CDH3: variants seen among roughly 807,000 people sequenced by gnomAD.
The protein encoded by CDH3 is cadherin-3.
Under a neutral mutation model 82.0 loss-of-function variants are expected in CDH3, and 54 were observed. The observed-to-expected ratio is 0.66, with a 90% CI of 0.53 to 0.83. The LOEUF (loss-of-function observed/expected upper bound fraction) is 0.83, where lower values mean the gene tolerates loss of function less well. Among genes scored for constraint, CDH3 ranks in the 40% least tolerant of loss-of-function variants. CDH3 has a pLI of 0.00. For missense variants in CDH3, 1,054 were observed against 1,084.6 expected (o/e 0.97, Z 0.40); for synonymous variants, 446 against 437.9 (o/e 1.02, Z -0.23).
intron 2 of CDH3, among the ~76,000 whole-genome samples, chr16:68,672,219 A>AAAAT (rs1567444947): frequency 1.3e-5 from 2 of 150,180 alleles, no homozygotes; most frequent in East Asian, 3.9e-4. Context: ...TAAATAAAAA[A>AAAAT]TAAAAAAAAA....
chr16:68,654,501 G>C (rs1181327001), intron 2 of CDH3, among the ~76,000 whole-genome samples: 1 of 108,060 alleles, frequency 9.3e-6, no homozygotes, highest in South Asian at 3.6e-4. Context: ...TCAAGAGTTC[G>C]AGACCAGCCT....
chr16:68,719,259 A>C (rs1473336739), intron 1 of CDH3, among the ~76,000 whole-genome samples: 1 of 151,584 alleles, frequency 6.6e-6, no homozygotes, highest in Non-Finnish European at 1.5e-5. Context: ...AAAAAGAAAA[A>C]AAAAAAAGAT....
At chr16:68,654,989 T>C (rs1456548958) in intron 2 of CDH3, among the ~76,000 whole-genome samples, 1 of 152,038 alleles carries the variant, frequency 6.6e-6, no homozygotes, top group Non-Finnish European at 1.5e-5. Flanking sequence ...TGAGCCGAGA[T>C]TGCACCACTG....
chr16:68,728,319 C>A (rs1010923478), downstream of CDH3, among the ~76,000 whole-genome samples: 5 of 152,126 alleles, frequency 3.3e-5, no homozygotes, highest in Non-Finnish European at 7.3e-5. Context: ...GCGCCCGCCA[C>A]CACGCCCAGC....
intron 11 of CDH3, chr16:68,686,321 A>C: frequency 1.2e-6 from 1 of 854,400 alleles, no homozygotes. Flanking sequence ...GTCAGACCGC[A>C]TGTCTCTCCT....
intron 12 of CDH3, among the ~76,000 whole-genome samples, chr16:68,688,283 G>A (rs963465441): frequency 5.3e-5 from 8 of 151,792 alleles, no homozygotes; most frequent in African/African-American, 1.7e-4. Flanking sequence ...ACCCGGCTGC[G>A]TTATGGCTTT....
At position 68,678,907 on chromosome 16, in the gene CDH3, G is replaced by A. The variant is rs758051035; in HGVS notation, c.691+1G>A. ...AGTGTCTTAGAGGGAGTCCTACCAGGTAAGAGGACTGGGAAGGGGACTGCT... is the reference window on the plus strand; with the variant it reads ...AGTGTCTTAGAGGGAGTCCTACCAGATAAGAGGACTGGGAAGGGGACTGCT... On this transcript the variant is annotated splice_donor_variant, in intron 6 of 15. Transcript: ENST00000264012. LOFTEE classifies it high-confidence loss of function. The A allele has an allele frequency of 1.2e-6, 2 of 1,613,374 alleles. No homozygotes were observed. Among genetic ancestry groups the A allele is most frequent in the Non-Finnish European group, 1.7e-6 (2 of 1,179,858 alleles).
rs1182717907 is a variant in CDH3, at chr16:68,694,185, C to A, written c.2003-1070C>A. Among the ~76,000 whole-genome samples, 7 of 151,624 alleles carry A rather than the reference C, an allele frequency of 4.6e-5. No individual in the cohort carries two copies. The East Asian group carries it at 1.4e-3, about 29-fold the overall frequency. ...AAAAATAAATAAATAAATAAATGGG[C>A]CCCTGTAATCTCAGCTACTCAGGAG... On this transcript the variant is annotated intron_variant, in intron 13 of 15. Transcript: ENST00000264012.
At chr16:68,694,785 CCATCCCGA>C (rs1206857073) in intron 13 of CDH3, among the ~76,000 whole-genome samples, 1 of 152,086 alleles carries the variant, frequency 6.6e-6, no homozygotes, top group African/African-American at 2.4e-5. Context: ...TGGGAGGTTC[CCATCCCGA>C]CATCCCGACG....
intron 1 of CDH3, among the ~76,000 whole-genome samples, chr16:68,717,162 AT>A (rs759103768): frequency 6.6e-6 from 1 of 152,086 alleles, no homozygotes; most frequent in Non-Finnish European, 1.5e-5. Context: ...TGCATTTAAA[AT>A]TTTTTTCTAT....
chr16:68,660,862 G>T (rs1960550533), intron 2 of CDH3, among the ~76,000 whole-genome samples: 1 of 152,024 alleles, frequency 6.6e-6, no homozygotes, highest in African/African-American at 2.4e-5. Context: ...GGGAGGCTGA[G>T]GCAGGAGAAT....
In CDH3 at chr16:68,671,671, G is replaced by A. The variant is rs372120590; in HGVS notation, c.161-4714G>A. Among the ~76,000 whole-genome samples, 200 of 151,898 alleles carry A rather than the reference G, an allele frequency of 1.3e-3. No homozygotes were observed. In the South Asian group the frequency reaches 0.017, roughly 13 times the overall value. ...CGGGTAGCTGGGACTACAGGCGCAG[G>A]CCACCATGCCCAGCTAATTTCTGTA... On this transcript the variant is annotated intron_variant, in intron 2 of 15. Coordinates refer to ENST00000264012, the MANE Select transcript of CDH3 (RefSeq NM_001793.6).
At chr16:68,688,110 C>T (rs891165054) in intron 12 of CDH3, among the ~76,000 whole-genome samples, 7 of 149,994 alleles carry the variant, frequency 4.7e-5, no homozygotes, top group Non-Finnish European at 8.9e-5. Context: ...CTCCCTCCCT[C>T]TCGAGGCCTC....
chr16:68,678,593 G>C lies in CDH3; in HGVS notation c.483G>C (p.Glu161Asp), dbSNP rs1173517092. ...CCCCTGAGGGTGTCTTCGCTGTAGA[G>C]AAGGAGACAGGCTGGTTGTTGTTGA... ...DSPPEGVFAV[E>D]KETGWLLLNK... is the part of the protein sequence containing the mutation. The change falls in exon 5 of 16, where the codon GAG (glutamate) becomes GAC (aspartate). Residue 161 changes from glutamate to aspartate, a missense_variant. By Grantham distance (45) the Glu-to-Asp change is conservative. Coordinates refer to ENST00000264012, the MANE Select transcript of CDH3 (RefSeq NM_001793.6). 2 of 1,614,142 alleles carry C rather than the reference G, an allele frequency of 1.2e-6. No homozygotes were observed. Among genetic ancestry groups the C allele is most frequent in the African/African-American group, 2.7e-5 (2 of 74,954 alleles).
downstream of CDH3, among the ~76,000 whole-genome samples, chr16:68,727,603 T>A (rs1962232471): frequency 6.6e-6 from 1 of 152,000 alleles, no homozygotes; most frequent in African/African-American, 2.4e-5. Flanking sequence ...TAATGAGTCC[T>A]CATCTCTAAT....
intron 2 of CDH3, among the ~76,000 whole-genome samples, chr16:68,674,988 CTA>C (rs1960989494): frequency 6.6e-6 from 1 of 151,846 alleles, no homozygotes; most frequent in South Asian, 2.1e-4. Flanking sequence ...TGGTGCGTGC[CTA>C]TAGTCTCAGC....
intron 7 of CDH3, among the ~76,000 whole-genome samples, chr16:68,680,483 A>G (rs1404226510): frequency 1.3e-5 from 2 of 152,212 alleles, no homozygotes; most frequent in Admixed American, 1.3e-4. Context: ...GTTCAAGACC[A>G]GCCTGGCCAA....
chr16:68,683,302 A>G (rs927904790), intron 9 of CDH3, among the ~76,000 whole-genome samples: 1 of 152,192 alleles, frequency 6.6e-6, no homozygotes, highest in Non-Finnish European at 1.5e-5. Context: ...TTCATTTATA[A>G]TATAACTAAC....
At chr16:68,722,174 G>GT (rs1302594059) in intron 1 of CDH3, among the ~76,000 whole-genome samples, 3 of 152,194 alleles carry the variant, frequency 2.0e-5, no homozygotes, top group African/African-American at 7.2e-5. Context: ...TGGCTCCCTT[G>GT]TCTGTTTATT....
Sources: allele counts gnomAD v4.1 joint callset (sites outside exome capture counted in the v4.1 genomes callset), GRCh38; gene constraint gnomAD v4.1.1; transcripts MANE v1.5; gene names NCBI Gene and HGNC (gene_info 2026-07-23, HGNC 2026-07-21).